EXOC6B: variants seen among roughly 807,000 people sequenced by gnomAD.
EXOC6B encodes SEC15 homolog B.
A neutral mutation model predicts 113.5 loss-of-function variants in EXOC6B; 54 were observed. The observed-to-expected ratio is 0.48, with a 90% CI of 0.38 to 0.60. The LOEUF is 0.60. Among genes scored for constraint, EXOC6B ranks in the 20% least tolerant of loss-of-function variants. The probability of loss-of-function intolerance (pLI) is 0.00; values close to 1 mark genes in which losing one functional copy is unlikely to be tolerated. For synonymous variants in EXOC6B, 357 were observed against 339.0 expected, an observed-to-expected ratio of 1.05 and a Z score of -0.58; for missense variants, 797 against 977.5, an observed-to-expected ratio of 0.82 and a Z score of 2.46.
At chr2:72,246,630 C>T (rs1271404184) in intron 20 of EXOC6B, among the ~76,000 whole-genome samples, 1 of 151,520 alleles carries the variant, frequency 6.6e-6, no homozygotes, top group East Asian at 1.9e-4. Context: ...GCCTCATCCT[C>T]CCGAGTAACT....
At chr2:72,314,446 T>C (rs1687388670) in intron 20 of EXOC6B, among the ~76,000 whole-genome samples, 1 of 152,238 alleles carries the variant, frequency 6.6e-6, no homozygotes, top group East Asian at 1.9e-4. Context: ...TTCTTGATAA[T>C]CTGGTTTTCC....
Position 72,279,312 on chromosome 2 carries a change from C to T in EXOC6B, c.2196+55635G>A, listed in dbSNP as rs577134287. ...TCTGTTCCTGTATTCCTCTGCTAGG[C>T]CTTCTGGAGTTACAAAATCACACTT... On this transcript the variant is annotated intron_variant, in intron 20 of 21. Coordinates refer to ENST00000272427, the MANE Select transcript of EXOC6B (RefSeq NM_015189.3). Among the ~76,000 whole-genome samples, 5 of 152,252 alleles carry T rather than the reference C, an allele frequency of 3.3e-5. No homozygotes were observed. In the South Asian group the frequency reaches 1.0e-3, roughly 32 times the overall value.
intron 6 of EXOC6B, among the ~76,000 whole-genome samples, chr2:72,618,951 A>G (rs138060814): frequency 3.3e-5 from 5 of 152,340 alleles, no homozygotes; most frequent in African/African-American, 1.2e-4. Flanking sequence ...ACAGGAACTG[A>G]TTTAGGAATT....
intron 13 of EXOC6B, 25 bp from the exon 14 acceptor site, chr2:72,496,584 G>A (rs1368562878): frequency 2.8e-6 from 4 of 1,450,714 alleles, no homozygotes; most frequent in Non-Finnish European, 3.8e-6. Context: ...ATAGACAAAG[G>A]GAAGGGAAGG....
intron 19 of EXOC6B, among the ~76,000 whole-genome samples, chr2:72,350,699 C>T (rs1487707054): frequency 6.6e-6 from 1 of 152,118 alleles, no homozygotes; most frequent in Non-Finnish European, 1.5e-5. Flanking sequence ...ACAACAGGAG[C>T]TCTAAAGGAA....
chr2:72,545,876 G>T (rs1702869567), intron 8 of EXOC6B, among the ~76,000 whole-genome samples: 1 of 152,160 alleles, frequency 6.6e-6, no homozygotes, highest in Non-Finnish European at 1.5e-5. Flanking sequence ...AGCAACTAAA[G>T]TTCTTTAAAC....
chr2:72,184,438 T>A (rs548271850), intron 20 of EXOC6B, among the ~76,000 whole-genome samples: 28 of 152,298 alleles, frequency 1.8e-4, no homozygotes, highest in African/African-American at 6.7e-4. Context: ...AGCAGTCAGC[T>A]CTCAGAGGCA....
chr2:72,397,004 G>A lies in EXOC6B; in HGVS notation c.1981-17134C>T, dbSNP rs56796119. Reference sequence around the variant, plus strand: ...AAAAAAAAACATATTTTCAAAATATGTTGCCTTTTTACTCATTATCTATGT... The same window carrying A: ...AAAAAAAAACATATTTTCAAAATATATTGCCTTTTTACTCATTATCTATGT... On this transcript the variant is annotated intron_variant, in intron 18 of 21. Coordinates refer to ENST00000272427, the MANE Select transcript of EXOC6B (RefSeq NM_015189.3). 4.1e-3 allele frequency among the ~76,000 whole-genome samples: 615 copies of A among 151,126 alleles called. 4 individuals are homozygous for A. The highest frequency in any genetic ancestry group is 0.014 in the African/African-American group (586 of 41,200).
intron 5 of EXOC6B, among the ~76,000 whole-genome samples, chr2:72,720,877 A>G (rs1029857232): frequency 1.3e-5 from 2 of 152,090 alleles, no homozygotes; most frequent in Non-Finnish European, 2.9e-5. Flanking sequence ...TAAAAAAAAA[A>G]GGGATGATAT....
intron 20 of EXOC6B, among the ~76,000 whole-genome samples, chr2:72,283,900 G>A (rs945520745): frequency 9.2e-5 from 14 of 152,160 alleles, no homozygotes; most frequent in Admixed American, 7.9e-4. Flanking sequence ...GATCAATTGC[G>A]TGAAAAACAC....
At chr2:72,634,274 A>G (rs1672680013) in intron 6 of EXOC6B, among the ~76,000 whole-genome samples, 1 of 152,204 alleles carries the variant, frequency 6.6e-6, no homozygotes, top group African/African-American at 2.4e-5. Context: ...TACATTTTGT[A>G]AGAGCTGTAA....
chr2:72,390,750 C>T (rs545091019), intron 18 of EXOC6B, among the ~76,000 whole-genome samples: 40 of 152,234 alleles, frequency 2.6e-4, no homozygotes, highest in African/African-American at 8.9e-4. Flanking sequence ...TCAGTGGGGC[C>T]TTCACCTTCT....
intron 20 of EXOC6B, among the ~76,000 whole-genome samples, chr2:72,200,236 C>A (rs1293131130): frequency 6.6e-6 from 1 of 152,152 alleles, no homozygotes; most frequent in African/African-American, 2.4e-5. Flanking sequence ...GAGAGAAGAC[C>A]AGTACTGTAG....
At chr2:72,381,463 C>T (rs182457248) in intron 18 of EXOC6B, among the ~76,000 whole-genome samples, 16 of 152,220 alleles carry the variant, frequency 1.1e-4, no homozygotes, top group Admixed American at 9.2e-4. Flanking sequence ...AGCATGACTA[C>T]AGTGTCCCTT....
chr2:72,421,353 T>G (rs1694856538), intron 18 of EXOC6B, among the ~76,000 whole-genome samples: 1 of 152,202 alleles, frequency 6.6e-6, no homozygotes, highest in Non-Finnish European at 1.5e-5. Context: ...ATACTAACCT[T>G]CCAAATTAGG....
At position 72,558,130 on chromosome 2, in the gene EXOC6B, G is replaced by A. The variant is rs149395353; in HGVS notation, c.915+1323C>T. ...CTCCACTGTTACATGATTCTAGTAT[G>A]GACATTTAAACCTGTGAGACATACT... On this transcript the variant is annotated intron_variant, in intron 8 of 21. Transcript: ENST00000272427. Among the ~76,000 whole-genome samples the A allele has an allele frequency of 6.9e-3, 1,050 of 152,020 alleles. 9 individuals are homozygous for A. The highest frequency in any genetic ancestry group is 0.011 in the Non-Finnish European group (739 of 67,988).
chr2:72,338,064 G>A (rs571437223), intron 19 of EXOC6B, among the ~76,000 whole-genome samples: 1 of 152,300 alleles, frequency 6.6e-6, no homozygotes, highest in Admixed American at 6.5e-5. Context: ...CATGCACATT[G>A]ATTAAGGGGA....
chr2:72,531,632 C>T (rs188635132), intron 8 of EXOC6B, among the ~76,000 whole-genome samples: 2 of 152,058 alleles, frequency 1.3e-5, no homozygotes, highest in African/African-American at 4.8e-5. Flanking sequence ...AAAATGATAG[C>T]GAGTAGGTAA....
chr2:72,408,597 C>G (rs554750017), intron 18 of EXOC6B, among the ~76,000 whole-genome samples: 3 of 152,018 alleles, frequency 2.0e-5, no homozygotes, highest in Non-Finnish European at 4.4e-5. Context: ...ACAAACCTGA[C>G]AAAAACAAGA....
Sources: allele counts gnomAD v4.1 joint callset (sites outside exome capture counted in the v4.1 genomes callset), GRCh38; gene constraint gnomAD v4.1.1; transcripts MANE v1.5; gene names NCBI Gene and HGNC (gene_info 2026-07-23, HGNC 2026-07-21).